SIK2: variants seen among roughly 807,000 people sequenced by gnomAD.
SIK2 encodes the protein salt inducible kinase 2, also known as serine/threonine-protein kinase SIK2.
In SIK2, 29 loss-of-function variants were observed where a neutral mutation model predicts 103.2. The observed-to-expected ratio is 0.28, with a 90% confidence interval of 0.21 to 0.38. SIK2 has a LOEUF of 0.38. SIK2 is among the 10% of genes least tolerant of loss of function. The pLI is 1.00. For synonymous variants in SIK2, 412 were observed against 446.1 expected (o/e 0.92, Z 0.96); for missense variants, 879 against 1,171.0 (o/e 0.75, Z 3.64).
At chr11:111,671,184 C>A in intron 3 of SIK2, 2 of 255,534 alleles carry the variant, frequency 7.8e-6, no homozygotes, top group South Asian at 4.9e-5. Flanking sequence ...TACTCATATT[C>A]TGCATCCCAG....
At chr11:111,699,788 A>G (rs1448726937) in intron 4 of SIK2, among the ~76,000 whole-genome samples, 1 of 152,184 alleles carries the variant, frequency 6.6e-6, no homozygotes, top group East Asian at 1.9e-4. Context: ...GACTAAGTGT[A>G]TTTATCATTT....
chr11:111,655,607 G>T (rs527672759), intron 3 of SIK2, among the ~76,000 whole-genome samples: 1 of 152,148 alleles, frequency 6.6e-6, no homozygotes, highest in Non-Finnish European at 1.5e-5. Flanking sequence ...TGGTAATGAT[G>T]GCGGTGATAG....
intron 9 of SIK2, among the ~76,000 whole-genome samples, chr11:111,717,209 G>C (rs767128552): frequency 2.6e-5 from 4 of 151,376 alleles, no homozygotes; most frequent in Non-Finnish European, 5.9e-5. Flanking sequence ...CCAGCTACTC[G>C]GGAGGCTGAG....
At chr11:111,694,103 T>C (rs1357271534) in intron 4 of SIK2, among the ~76,000 whole-genome samples, 1 of 152,208 alleles carries the variant, frequency 6.6e-6, no homozygotes, top group Admixed American at 6.5e-5. Flanking sequence ...AATAAATTGT[T>C]AGATAAAGCT....
rs772425507 is a variant in SIK2 at position 111,703,276 on chromosome 11, G to A, written c.801G>A (p.Glu267=). 2.5e-6 allele frequency: 4 copies of A among 1,614,186 alleles called. No homozygotes were observed. In the South Asian group the frequency reaches 3.3e-5, roughly 13 times the overall value. The change falls in exon 7 of 15, where the codon GAG becomes GAA. Residue 267 remains glutamate (E), a synonymous_variant. Coordinates refer to ENST00000304987, the MANE Select transcript of SIK2 (RefSeq NM_015191.3). ...GGCTAACCATAGCCCAAATCAAGGA[G>A]CATAAATGGATGCTCATAGAAGTTC... ...SKRLTIAQIK[E]HKWMLIEVPV...
chr11:111,705,187 CAT>C lies in SIK2; in HGVS notation c.1101+49_1101+50del, dbSNP rs773869942. On this transcript the variant is annotated intron_variant, in intron 8 of 14. Transcript: ENST00000304987. The surrounding 1 kb of genome is among the most constrained non-coding windows in gnomAD (Gnocchi z 4.3). ...TCTTATCTGTGCATGTGCCTGTTCA[CAT>C]GTTTGATACATTTTTCATCTTATAC... 9.5e-6 allele frequency: 14 copies of C among 1,471,878 alleles called. No individual in the cohort carries two copies. Among genetic ancestry groups the C allele is most frequent in the South Asian group, 4.5e-5 (3 of 66,192 alleles). The allele number at this position is 1,471,878 out of a possible 1,614,324, so 91.2% of individuals were successfully genotyped here. A position where few individuals can be genotyped will look rare whatever the true frequency, so the allele number is the denominator to read the frequency against.
At chr11:111,645,559 G>T (rs188282660) in intron 3 of SIK2, among the ~76,000 whole-genome samples, 3 of 152,202 alleles carry the variant, frequency 2.0e-5, no homozygotes, top group Admixed American at 6.5e-5. Context: ...AGTGGCTTAT[G>T]CCTGTAATCC....
intron 3 of SIK2, among the ~76,000 whole-genome samples, chr11:111,630,497 CA>C (rs143449475): frequency 0.039 from 5,582 of 143,792 alleles, 317 homozygotes; most frequent in African/African-American, 0.13. Flanking sequence ...TTGTCTCTCT[CA>C]AAAAAAAAAG....
chr11:111,712,182 C>T (rs1020799237), intron 8 of SIK2, 29 bp from the exon 9 acceptor site: 1 of 1,605,578 alleles, frequency 6.2e-7, no homozygotes, highest in Non-Finnish European at 8.5e-7. Context: ...TTCATGTTCC[C>T]AAACTGTCTG....
chr11:111,662,770 TGGG>T (rs1050290399), intron 3 of SIK2, among the ~76,000 whole-genome samples: 1 of 151,042 alleles, frequency 6.6e-6, no homozygotes, highest in African/African-American at 2.4e-5. Flanking sequence ...CCCAGTTACT[TGGG>T]GGGCTGAGGC....
In SIK2 at chr11:111,720,660, C is replaced by A. The variant is rs1298901809; in HGVS notation, c.1678C>A (p.Pro560Thr). 1.2e-5 allele frequency: 20 copies of A among 1,614,100 alleles called. No individual in the cohort carries two copies. The highest frequency in any genetic ancestry group is 2.7e-5 in the African/African-American group (2 of 75,024). ...CTTCATAAGCCTGAGACCTACCAAC[C>A]CAGCCATGCAGGCTCTGAGCTCCCA... ...SPFISLRPTN[P>T]AMQALSSQKR... The change falls in exon 11 of 15, where the codon CCA (proline) becomes ACA (threonine). Residue 560 changes from proline to threonine, a missense_variant. Around this residue, in one of 7 missense-constraint regions of SIK2, gnomAD observed 222 missense variants for 258.0 expected, o/e 0.86. Coordinates refer to ENST00000304987, the MANE Select transcript of SIK2 (RefSeq NM_015191.3).
At chr11:111,612,467 T>C (rs1298649571) in intron 1 of SIK2, among the ~76,000 whole-genome samples, 1 of 152,200 alleles carries the variant, frequency 6.6e-6, no homozygotes, top group Non-Finnish European at 1.5e-5. Context: ...CTCTGCTGTT[T>C]CCTCTTCTTT....
rs1356233704 is a variant in SIK2, at chr11:111,726,115, T to C, written c.*1986T>C. The C allele has an allele frequency of 6.6e-6, 1 of 152,220 alleles. No homozygotes were observed. The highest frequency in any genetic ancestry group is 1.9e-4 in the East Asian group (1 of 5,200). The allele number at this position is 152,220 out of a possible 1,614,324, so 9.4% of individuals were successfully genotyped here. ...CTTTACAAAATAGCCAGTTATAAAA[T>C]GGGGCTTGATTTGTTTAGACTGAAG... On this transcript the variant is annotated 3_prime_UTR_variant, in exon 15 of 15. Transcript: ENST00000304987.
intron 4 of SIK2, among the ~76,000 whole-genome samples, chr11:111,698,030 C>T (rs887983505): frequency 4.0e-5 from 6 of 151,854 alleles, no homozygotes; most frequent in Admixed American, 1.3e-4. Flanking sequence ...ATAAATATAA[C>T]ATTTGAAGTG....
intron 3 of SIK2, among the ~76,000 whole-genome samples, chr11:111,655,361 G>A (rs1014479638): frequency 3.9e-5 from 6 of 152,246 alleles, no homozygotes; most frequent in African/African-American, 7.2e-5. Context: ...CCAAGATTGC[G>A]CCACTGCACT....
chr11:111,658,748 AAAG>A (rs1255933394), intron 3 of SIK2, among the ~76,000 whole-genome samples: 34 of 152,112 alleles, frequency 2.2e-4, no homozygotes, highest in Admixed American at 7.2e-4. Context: ...CACAAAAAAA[AAAG>A]AAGAAGAAGA....
At chr11:111,636,686 A>G (rs1023402300) in intron 3 of SIK2, among the ~76,000 whole-genome samples, 1 of 152,214 alleles carries the variant, frequency 6.6e-6, no homozygotes, top group Non-Finnish European at 1.5e-5. Flanking sequence ...GAAAGGATAC[A>G]TAAATATTGT....
intron 3 of SIK2, among the ~76,000 whole-genome samples, chr11:111,664,655 G>A (rs1942511338): frequency 6.6e-6 from 1 of 151,934 alleles, no homozygotes. Context: ...GGTTAATTCT[G>A]ACAGTTTTTT....
intron 3 of SIK2, among the ~76,000 whole-genome samples, chr11:111,677,512 G>A (rs1487681862): frequency 1.3e-5 from 2 of 151,746 alleles, no homozygotes; most frequent in Admixed American, 6.6e-5. Flanking sequence ...CCGCCTCCCA[G>A]GTTCATGCGA....
Sources: allele counts gnomAD v4.1 joint callset (sites outside exome capture counted in the v4.1 genomes callset), GRCh38; gene constraint gnomAD v4.1.1; regional missense constraint gnomAD v4.1.1; non-coding constraint Gnocchi (gnomAD v3.1); transcripts MANE v1.5; gene names NCBI Gene and HGNC (gene_info 2026-07-23, HGNC 2026-07-21).